Variants in PLPP4 observed in about 807,000 individuals in gnomAD.
PLPP4 encodes phospholipid phosphatase 4, also known as diacylglycerol pyrophosphate like 2.
In PLPP4, 20 loss-of-function variants were observed where a neutral mutation model predicts 32.2. The observed-to-expected ratio is 0.62, with a 90% CI of 0.44 to 0.90. PLPP4 has a LOEUF of 0.90. Ranked by LOEUF, PLPP4 falls within the 40% of genes least tolerant of loss-of-function variation. The pLI is 0.00. For synonymous variants in PLPP4, 127 were observed against 133.0 expected (o/e 0.95, Z 0.31); for missense variants, 257 against 353.1 (o/e 0.73, Z 2.18).
chr10:120,462,331 G>C (rs1477319855), intron 1 of PLPP4, among the ~76,000 whole-genome samples: 1 of 152,148 alleles, frequency 6.6e-6, no homozygotes, highest in Non-Finnish European at 1.5e-5. Context: ...GCAAAACTGG[G>C]GGGGCCTGGA....
chr10:120,503,444 T>C (rs372872739), intron 1 of PLPP4: 9 of 1,103,548 alleles, frequency 8.2e-6, no homozygotes, highest in East Asian at 2.6e-5. Flanking sequence ...CCCTCCCTTA[T>C]GTTCCACCTC....
rs74159415 is a variant in PLPP4 at position 120,484,783 on chromosome 10, G to A, written c.57-19035G>A. On this transcript the variant is annotated intron_variant, in intron 1 of 6. Transcript: ENST00000398250. The stretch of plus-strand genomic sequence containing the variant: ...ATCCTCATTCCTGGAGCCTGTGAAC[G>A]TATAACCTTACATGGCCAAGGGAAT... 6.8e-3 allele frequency among the ~76,000 whole-genome samples: 1,035 copies of A among 152,272 alleles called. 16 individuals are homozygous for A. Among genetic ancestry groups the A allele is most frequent in the African/African-American group, 0.023 (958 of 41,566 alleles).
chr10:120,457,413 AC>A, intron 1 of PLPP4, 52 bp downstream of exon 1: 1 of 1,484,896 alleles, frequency 6.7e-7, no homozygotes, highest in Non-Finnish European at 9.1e-7. Context: ...GGAACAACCG[AC>A]CAAGCCTCTC....
At chr10:120,491,327 T>C (rs1245149449) in intron 1 of PLPP4, among the ~76,000 whole-genome samples, 1 of 152,212 alleles carries the variant, frequency 6.6e-6, no homozygotes, top group Non-Finnish European at 1.5e-5. Flanking sequence ...GCAGCTGCTT[T>C]TGGAGGCATT....
intron 1 of PLPP4, among the ~76,000 whole-genome samples, chr10:120,485,225 A>T (rs1032142359): frequency 5.9e-5 from 9 of 152,180 alleles, no homozygotes; most frequent in Non-Finnish European, 1.2e-4. Flanking sequence ...CTGTTTCTAA[A>T]CCTGTGCCTT....
chr10:120,459,844 C>T (rs953706605), intron 1 of PLPP4, among the ~76,000 whole-genome samples: 2 of 152,146 alleles, frequency 1.3e-5, no homozygotes, highest in Non-Finnish European at 2.9e-5. Flanking sequence ...ATCCTGTTAC[C>T]CGTAGCCCAT....
At chr10:120,469,392 T>C (rs2133789641) in intron 1 of PLPP4, among the ~76,000 whole-genome samples, 1 of 152,178 alleles carries the variant, frequency 6.6e-6, no homozygotes, top group South Asian at 2.1e-4. Context: ...CATGCCCGGC[T>C]AATTTTTTGT....
chr10:120,489,315 C>G (rs368764429), intron 1 of PLPP4, among the ~76,000 whole-genome samples: 3 of 152,202 alleles, frequency 2.0e-5, no homozygotes, highest in African/African-American at 7.2e-5. Context: ...TAATGAACCA[C>G]TTGGCGAATG....
chr10:120,569,263 C>T (rs994243828), intron 5 of PLPP4, among the ~76,000 whole-genome samples: 4 of 151,720 alleles, frequency 2.6e-5, no homozygotes, highest in African/African-American at 9.7e-5. Context: ...ATTCTTAATC[C>T]TCCTCTGCTG....
At chr10:120,579,426 T>C (rs1236974960) in intron 6 of PLPP4, among the ~76,000 whole-genome samples, 3 of 152,170 alleles carry the variant, frequency 2.0e-5, no homozygotes, top group Non-Finnish European at 2.9e-5. Context: ...ATGGCCATTA[T>C]TGCGTTCGCC....
At chr10:120,570,146 C>T (rs912234307) in intron 5 of PLPP4, among the ~76,000 whole-genome samples, 3 of 152,048 alleles carry the variant, frequency 2.0e-5, no homozygotes, top group African/African-American at 7.2e-5. Flanking sequence ...AGGTACTCAA[C>T]CTCTGATCAC....
At chr10:120,466,744 C>T (rs562819646) in intron 1 of PLPP4, among the ~76,000 whole-genome samples, 55 of 122,132 alleles carry the variant, frequency 4.5e-4, no homozygotes, top group African/African-American at 1.4e-3. Flanking sequence ...TGAGCCTCCT[C>T]GTCTGTTAAA....
At chr10:120,503,687 G>A in intron 1 of PLPP4, 131 bp from the exon 2 acceptor site, 6 of 1,589,820 alleles carry the variant, frequency 3.8e-6, no homozygotes, top group Non-Finnish European at 5.1e-6. Context: ...CTGACAGCAG[G>A]GCCTGTCTCT....
chr10:120,536,671 C>CAAA (rs35552215), intron 5 of PLPP4, among the ~76,000 whole-genome samples: 6,801 of 124,696 alleles, frequency 0.055, 370 homozygotes, highest in South Asian at 0.2. Context: ...AAAGCACAGG[C>CAAA]AAAAAAAAAA....
intron 1 of PLPP4, among the ~76,000 whole-genome samples, chr10:120,466,292 A>G (rs1848307973): frequency 6.6e-6 from 1 of 152,112 alleles, no homozygotes; most frequent in African/African-American, 2.4e-5. Flanking sequence ...CCCTACGTAT[A>G]TATGTACAAG....
chr10:120,462,435 G>A (rs1394177315), intron 1 of PLPP4, among the ~76,000 whole-genome samples: 1 of 152,256 alleles, frequency 6.6e-6, no homozygotes, highest in Non-Finnish European at 1.5e-5. Context: ...ACTGTGATGT[G>A]TGACTGCACA....
At chr10:120,470,010 A>G (rs796601729) in intron 1 of PLPP4, among the ~76,000 whole-genome samples, 6 of 152,356 alleles carry the variant, frequency 3.9e-5, no homozygotes, top group African/African-American at 1.2e-4. Context: ...TTCTGGGTCA[A>G]GACCACGTAC....
chr10:120,524,180 C>CT (rs1250085344), intron 5 of PLPP4, among the ~76,000 whole-genome samples: 2 of 152,084 alleles, frequency 1.3e-5, no homozygotes, highest in South Asian at 2.1e-4. Flanking sequence ...TTATTTTCTC[C>CT]TTTTTTTAAA....
chr10:120,533,177 G>A (rs73371245), intron 5 of PLPP4, among the ~76,000 whole-genome samples: 2 of 152,070 alleles, frequency 1.3e-5, no homozygotes, highest in African/African-American at 4.8e-5. Flanking sequence ...GACATCATTT[G>A]TTATATTCCA....
Sources: allele counts gnomAD v4.1 joint callset (sites outside exome capture counted in the v4.1 genomes callset), GRCh38; gene constraint gnomAD v4.1.1; transcripts MANE v1.5; gene names NCBI Gene and HGNC (gene_info 2026-07-23, HGNC 2026-07-21).